Variants in NTN1 observed in about 807,000 individuals in gnomAD.
NTN1 encodes netrin 1.
In NTN1, 11 loss-of-function variants were observed where a neutral mutation model predicts 54.2. The observed-to-expected ratio is 0.20, with a 90% CI of 0.13 to 0.34. NTN1 has a LOEUF of 0.34. Among genes scored for constraint, NTN1 ranks in the 10% least tolerant of loss-of-function variants. The probability of loss-of-function intolerance (pLI) is 1.00; values close to 1 mark genes in which losing one functional copy is unlikely to be tolerated. For missense variants in NTN1, 740 were observed against 893.1 expected (o/e 0.83, Z 2.18); for synonymous variants, 371 against 382.0 (o/e 0.97, Z 0.33).
At chr17:9,126,839 C>T (rs1246219948) in intron 2 of NTN1, among the ~76,000 whole-genome samples, 1 of 152,008 alleles carries the variant, frequency 6.6e-6, no homozygotes, top group African/African-American at 2.4e-5. Context: ...CTCGAGGGGG[C>T]TGTATTTGGC....
intron 2 of NTN1, among the ~76,000 whole-genome samples, chr17:9,078,024 A>G (rs910583516): frequency 6.6e-6 from 1 of 152,074 alleles, no homozygotes; most frequent in Non-Finnish European, 1.5e-5. Flanking sequence ...GTCACCACTC[A>G]GTATTGTTTG....
At chr17:9,233,196 C>T (rs564313680) in intron 6 of NTN1, among the ~76,000 whole-genome samples, 19 of 152,132 alleles carry the variant, frequency 1.2e-4, no homozygotes, top group South Asian at 1.0e-3. Flanking sequence ...AGCCTCCCCG[C>T]GGAGGTGTCC....
intron 3 of NTN1, among the ~76,000 whole-genome samples, chr17:9,172,474 G>A (rs58636012): frequency 0.22 from 34,020 of 151,278 alleles, 4,081 homozygotes; most frequent in Middle Eastern, 0.3. Context: ...GCGAGACTCC[G>A]TCTCAAAAAA....
At chr17:9,200,101 A>G (rs1469042905) in intron 5 of NTN1, among the ~76,000 whole-genome samples, 2 of 152,226 alleles carry the variant, frequency 1.3e-5, no homozygotes, top group African/African-American at 4.8e-5. Context: ...TTACAGGACT[A>G]CAAGCATCCT....
intron 2 of NTN1, among the ~76,000 whole-genome samples, chr17:9,161,522 A>C (rs1268057310): frequency 6.6e-6 from 1 of 152,012 alleles, no homozygotes; most frequent in African/African-American, 2.4e-5. Flanking sequence ...GCTCACGGCT[A>C]TCATCCCAGC....
Position 9,023,273 on chromosome 17 carries a change from C to T in NTN1, c.900C>T (p.Asp300=), listed in dbSNP as rs1199890805. 6.4e-7 allele frequency: 1 copy of T among 1,559,540 alleles called. No individual in the cohort carries two copies. Among genetic ancestry groups the T allele is most frequent in the Admixed American group, 1.8e-5 (1 of 54,434 alleles). Residue 300 remains aspartate, a synonymous_variant, in exon 2 of 7, where the codon GAC becomes GAT. Transcript: ENST00000173229. ...HAARCVRDRD[D]SLVCDCRHNT... is the part of the protein sequence containing the mutation. Reference sequence around the variant, plus strand: ...CCCGCTGCGTGCGCGACCGCGACGACAGCCTGGTGTGCGACTGCAGGCACA... The same window carrying T: ...CCCGCTGCGTGCGCGACCGCGACGATAGCCTGGTGTGCGACTGCAGGCACA...
At chr17:9,110,222 G>C (rs1474507127) in intron 2 of NTN1, among the ~76,000 whole-genome samples, 8 of 151,862 alleles carry the variant, frequency 5.3e-5, no homozygotes. Flanking sequence ...GGTGCTGCCT[G>C]GTGAGGTGGG....
chr17:9,015,366 G>A, the NTN1 span, among the ~76,000 whole-genome samples: 5 of 152,134 alleles, frequency 3.3e-5, no homozygotes, highest in East Asian at 9.6e-4. Context: ...AGCCAAGATC[G>A]TGCCACTGCA....
At chr17:9,137,935 T>G (rs972798529) in intron 2 of NTN1, among the ~76,000 whole-genome samples, 1 of 152,252 alleles carries the variant, frequency 6.6e-6, no homozygotes, top group Non-Finnish European at 1.5e-5. Flanking sequence ...AGGGCCCACG[T>G]GCCTGCAGTG....
At chr17:9,007,118 TTCTC>T in the NTN1 span, among the ~76,000 whole-genome samples, 12 of 152,206 alleles carry the variant, frequency 7.9e-5, no homozygotes, top group African/African-American at 1.2e-4. Context: ...CTTTTCTTTT[TTCTC>T]TCTCTTTCTT....
intron 5 of NTN1, among the ~76,000 whole-genome samples, chr17:9,190,200 A>G (rs1472034748): frequency 3.3e-5 from 5 of 152,242 alleles, no homozygotes; most frequent in African/African-American, 7.2e-5. Flanking sequence ...ATGTAGCAAT[A>G]AAGTACAGCA....
chr17:9,056,346 T>C (rs993162228), intron 2 of NTN1, among the ~76,000 whole-genome samples: 1 of 152,220 alleles, frequency 6.6e-6, no homozygotes, highest in Non-Finnish European at 1.5e-5. Flanking sequence ...TGTGAGCCAC[T>C]GTGCCCGGCT....
intron 6 of NTN1, among the ~76,000 whole-genome samples, chr17:9,229,065 T>G (rs1244468230): frequency 2.1e-5 from 3 of 139,924 alleles, no homozygotes; most frequent in African/African-American, 8.2e-5. Flanking sequence ...TATGCGTGTG[T>G]GATTGTGTTT....
intron 5 of NTN1, among the ~76,000 whole-genome samples, chr17:9,208,090 G>A (rs1341415903): frequency 3.9e-5 from 6 of 152,154 alleles, no homozygotes; most frequent in Admixed American, 3.3e-4. Context: ...AAATTAGCCA[G>A]GCGTAGTGGT....
At chr17:9,078,626 TAGA>T (rs1306949647) in intron 2 of NTN1, among the ~76,000 whole-genome samples, 1 of 152,216 alleles carries the variant, frequency 6.6e-6, no homozygotes, top group East Asian at 1.9e-4. Flanking sequence ...GTGTCTTTTC[TAGA>T]AGGAGTCAAC....
upstream of NTN1, among the ~76,000 whole-genome samples, chr17:9,021,123 C>CG (rs1597460071): frequency 6.6e-6 from 1 of 152,144 alleles, no homozygotes; most frequent in African/African-American, 2.4e-5. Context: ...TGGCTGGGAC[C>CG]GGGAGGGAGA....
intron 5 of NTN1, among the ~76,000 whole-genome samples, chr17:9,204,661 C>T (rs1047328471): frequency 6.6e-6 from 1 of 152,150 alleles, no homozygotes; most frequent in Admixed American, 6.6e-5. Context: ...GGCAGTGAAT[C>T]GGGGATAGCA....
chr17:9,091,536 A>C (rs960992885), intron 2 of NTN1, among the ~76,000 whole-genome samples: 1 of 149,672 alleles, frequency 6.7e-6, no homozygotes, highest in Non-Finnish European at 1.5e-5. Context: ...TCACTGCAAC[A>C]TTTGCCTCAC....
intron 2 of NTN1, among the ~76,000 whole-genome samples, chr17:9,158,574 G>T (rs2092349626): frequency 6.6e-6 from 1 of 152,186 alleles, no homozygotes; most frequent in Admixed American, 6.5e-5. Flanking sequence ...AGTGATAGGG[G>T]TCTTTTCCTC....
Sources: gnomAD v4.1 joint callset for allele counts (sites outside exome capture counted in the v4.1 genomes callset) on GRCh38, gnomAD v4.1.1 for gene constraint, MANE v1.5 for transcripts, NCBI Gene and HGNC (gene_info 2026-07-23, HGNC 2026-07-21) for gene names.